The following DENND1B variants were observed in gnomAD, a reference collection of about 807,000 sequenced individuals.
The protein encoded by DENND1B is DENN domain containing 1B.
Under a neutral mutation model 90.1 loss-of-function variants are expected in DENND1B, and 59 were observed. The ratio of observed to expected loss-of-function variants is 0.65; its 90% CI spans 0.53 to 0.81. The LOEUF (loss-of-function observed/expected upper bound fraction) is 0.81, where lower values mean the gene tolerates loss of function less well. Among genes scored for constraint, DENND1B ranks in the 40% least tolerant of loss-of-function variants. The pLI, the probability that DENND1B is intolerant of heterozygous loss-of-function variation, is 0.00. For missense variants in DENND1B, 862 were observed against 912.6 expected, an observed-to-expected ratio of 0.94 and a Z score of 0.71; for synonymous variants, 337 against 324.6, an observed-to-expected ratio of 1.04 and a Z score of -0.41.
intron 2 of DENND1B, among the ~76,000 whole-genome samples, chr1:197,743,786 C>A (rs1315193058): frequency 6.6e-6 from 1 of 152,084 alleles, no homozygotes; most frequent in Non-Finnish European, 1.5e-5. Context: ...TGTTCAAGGC[C>A]AGCCTGGGCA....
intron 15 of DENND1B, among the ~76,000 whole-genome samples, chr1:197,556,741 G>A (rs1256983701): frequency 6.6e-6 from 1 of 151,888 alleles, no homozygotes; most frequent in Non-Finnish European, 1.5e-5. Context: ...AATACCTTAT[G>A]CGGTATTGCA....
In DENND1B at chr1:197,715,081, A is replaced by T. The variant is rs200674425; in HGVS notation, c.83-7T>A. 6.0e-5 allele frequency: 96 copies of T among 1,609,322 alleles called. 2 individuals carry two copies. In the East Asian group the frequency reaches 2.1e-3, roughly 36 times the overall value. On this transcript the variant is annotated splice_polypyrimidine_tract_variant and splice_region_variant and intron_variant, in intron 2 of 22. Transcript: ENST00000620048. ...TTCCACAATACCACAGGATCTGTAA[A>T]TAATTGACATGTATAATTAAACAGC...
chr1:197,663,357 A>C (rs1452122647), intron 5 of DENND1B, among the ~76,000 whole-genome samples: 1 of 152,164 alleles, frequency 6.6e-6, no homozygotes, highest in Non-Finnish European at 1.5e-5. Flanking sequence ...TTTTTTAAAT[A>C]AAAACATCAC....
At chr1:197,605,012 T>C (rs1326562694) in intron 13 of DENND1B, among the ~76,000 whole-genome samples, 3 of 151,162 alleles carry the variant, frequency 2.0e-5, no homozygotes, top group Non-Finnish European at 4.5e-5. Flanking sequence ...CCTAGCTCCA[T>C]CTCAGAACTA....
intron 5 of DENND1B, among the ~76,000 whole-genome samples, chr1:197,663,421 A>G (rs936485317): frequency 6.6e-6 from 1 of 152,144 alleles, no homozygotes; most frequent in African/African-American, 2.4e-5. Context: ...AAACGTCAAG[A>G]AAGCAAGGAC....
intron 16 of DENND1B, among the ~76,000 whole-genome samples, chr1:197,551,006 T>C (rs946214065): frequency 3.3e-5 from 5 of 151,820 alleles, no homozygotes; most frequent in South Asian, 2.1e-4. Flanking sequence ...ATGACATCGA[T>C]ATATTCTTCT....
intron 2 of DENND1B, among the ~76,000 whole-genome samples, chr1:197,756,551 G>A (rs1309540130): frequency 1.6e-5 from 2 of 128,684 alleles, no homozygotes; most frequent in Non-Finnish European, 3.1e-5. Context: ...ACTCCAGACT[G>A]GGCAACAGAG....
chr1:197,761,602 C>A (rs1655064791), intron 2 of DENND1B, among the ~76,000 whole-genome samples: 2 of 152,054 alleles, frequency 1.3e-5, no homozygotes, highest in Admixed American at 1.3e-4. Context: ...GTTTTTATAA[C>A]TACCCACGTG....
chr1:197,672,977 A>G (rs2125985628), intron 4 of DENND1B, among the ~76,000 whole-genome samples: 1 of 152,134 alleles, frequency 6.6e-6, no homozygotes, highest in Middle Eastern at 3.4e-3. Context: ...AAAATAAAAT[A>G]TCCATGACGC....
At chr1:197,721,205 G>T (rs887461068) in intron 2 of DENND1B, among the ~76,000 whole-genome samples, 13 of 151,658 alleles carry the variant, frequency 8.6e-5, no homozygotes, top group South Asian at 2.1e-4. Context: ...GAGTAGCTGG[G>T]ACTACAGGCA....
chr1:197,650,162 T>C (rs750060516), intron 7 of DENND1B, among the ~76,000 whole-genome samples: 16 of 152,186 alleles, frequency 1.1e-4, no homozygotes, highest in Non-Finnish European at 2.2e-4. Context: ...GATACTACCT[T>C]ACTTTTGCAA....
chr1:197,755,813 GT>G (rs1654206839), intron 2 of DENND1B, among the ~76,000 whole-genome samples: 1 of 152,090 alleles, frequency 6.6e-6, no homozygotes, highest in Non-Finnish European at 1.5e-5. Context: ...GAGAACTCCC[GT>G]TTTTAAAACC....
At chr1:197,699,362 C>T (rs11810052) in intron 3 of DENND1B, among the ~76,000 whole-genome samples, 5,064 of 152,164 alleles carry the variant, frequency 0.033, 290 homozygotes, top group African/African-American at 0.11. Context: ...ATTTGACATC[C>T]CTTCAGGTTA....
At chr1:197,698,266 C>G (rs989000630) in intron 3 of DENND1B, among the ~76,000 whole-genome samples, 1 of 152,098 alleles carries the variant, frequency 6.6e-6, no homozygotes, top group South Asian at 2.1e-4. Context: ...GACATTCACT[C>G]GAAACCCCAC....
chr1:197,607,471 T>G (rs1345246232), intron 12 of DENND1B, among the ~76,000 whole-genome samples: 1 of 150,968 alleles, frequency 6.6e-6, no homozygotes, highest in East Asian at 2.0e-4. Flanking sequence ...GTAAACAAAT[T>G]ATATTCTTTA....
intron 3 of DENND1B, among the ~76,000 whole-genome samples, chr1:197,693,434 A>G (rs980119159): frequency 2.6e-5 from 4 of 151,722 alleles, no homozygotes; most frequent in African/African-American, 9.7e-5. Flanking sequence ...AGGTGCCCAA[A>G]TATTAAGCAA....
At chr1:197,703,305 CA>C (rs1487620997) in intron 3 of DENND1B, among the ~76,000 whole-genome samples, 1 of 146,634 alleles carries the variant, frequency 6.8e-6, no homozygotes, top group Non-Finnish European at 1.5e-5. Flanking sequence ...TTTGCTTTTA[CA>C]AAAAAAAGAA....
intron 3 of DENND1B, among the ~76,000 whole-genome samples, chr1:197,706,699 G>C (rs575965000): frequency 6.6e-6 from 1 of 152,146 alleles, no homozygotes; most frequent in African/African-American, 2.4e-5. Context: ...AATCATCAGG[G>C]AAATGCAAAT....
chr1:197,682,437 T>C (rs1055458324), intron 3 of DENND1B, among the ~76,000 whole-genome samples: 14 of 152,220 alleles, frequency 9.2e-5, no homozygotes, highest in Non-Finnish European at 2.1e-4. Flanking sequence ...GTTCCACTCA[T>C]ATATTTACAA....
Sources: gnomAD v4.1 joint callset for allele counts (sites outside exome capture counted in the v4.1 genomes callset) on GRCh38, gnomAD v4.1.1 for gene constraint, MANE v1.5 for transcripts, NCBI Gene and HGNC (gene_info 2026-07-23, HGNC 2026-07-21) for gene names.